DNAI3: variants seen among roughly 807,000 people sequenced by gnomAD.
DNAI3 encodes WD repeat domain 63.
In DNAI3, 83 loss-of-function variants were observed where a neutral mutation model predicts 115.5. The ratio of observed to expected loss-of-function variants is 0.72; its 90% confidence interval spans 0.60 to 0.86. DNAI3 has a LOEUF of 0.86. Among genes scored for constraint, DNAI3 ranks in the 40% least tolerant of loss-of-function variants. The pLI, the probability that DNAI3 is intolerant of heterozygous loss-of-function variation, is 0.00. For missense variants in DNAI3, 1,004 were observed against 1,075.8 expected (o/e 0.93, Z 0.93); for synonymous variants, 320 against 347.0 (o/e 0.92, Z 0.86).
chr1:85,094,301 T>C, intron 9 of DNAI3, 130 bp from the exon 10 acceptor site: 1 of 1,262,562 alleles, frequency 7.9e-7, no homozygotes, highest in Non-Finnish European at 1.1e-6. Flanking sequence ...CCAGCAGAGC[T>C]CTAAGAAAAC....
intron 1 of DNAI3, among the ~76,000 whole-genome samples, chr1:85,066,680 ATGT>A (rs1174531303): frequency 6.6e-6 from 1 of 152,162 alleles, no homozygotes; most frequent in African/African-American, 2.4e-5. Flanking sequence ...AACAGAAAAA[ATGT>A]TATGCATATT....
At position 85,115,240 on chromosome 1, in the gene DNAI3, T is replaced by C. The variant is rs538032710; in HGVS notation, c.1787-2489T>C. ...AAGAGAACTACCTCATAGGGTGTTG[T>C]GAAGATGAAATGAGTTATACACGAA... On this transcript the variant is annotated intron_variant, in intron 16 of 22. Transcript: ENST00000294664. Among the ~76,000 whole-genome samples the C allele has an allele frequency of 5.3e-5, 8 of 152,330 alleles. No homozygotes were observed. In the East Asian group the frequency reaches 1.5e-3, roughly 29 times the overall value.
chr1:85,126,466 A>G (rs1258291263), intron 19 of DNAI3, 45 bp from the exon 20 acceptor site: 2 of 1,562,156 alleles, frequency 1.3e-6, no homozygotes, highest in East Asian at 2.3e-5. Flanking sequence ...CCCTCAGATA[A>G]TAACAAAATC....
intron 19 of DNAI3, among the ~76,000 whole-genome samples, chr1:85,124,791 C>T (rs12026233): frequency 0.63 from 96,295 of 152,034 alleles, 31,744 homozygotes; most frequent in South Asian, 0.83. Flanking sequence ...GCCTCGGCCT[C>T]CCGAAGTGCT....
intron 20 of DNAI3, among the ~76,000 whole-genome samples, chr1:85,127,365 C>T (rs997253124): frequency 6.6e-5 from 10 of 152,064 alleles, no homozygotes; most frequent in African/African-American, 1.2e-4. Context: ...TTTTCTGTTT[C>T]GCCCAAGTAG....
At chr1:85,073,873 T>C (rs1654366625) in intron 3 of DNAI3, among the ~76,000 whole-genome samples, 1 of 152,016 alleles carries the variant, frequency 6.6e-6, no homozygotes, top group African/African-American at 2.4e-5. Context: ...AGGGGAAAGA[T>C]GGTGATGACC....
intron 11 of DNAI3, among the ~76,000 whole-genome samples, chr1:85,096,595 A>G (rs1332547476): frequency 6.6e-6 from 1 of 151,112 alleles, no homozygotes; most frequent in Non-Finnish European, 1.5e-5. Context: ...TATCAAATTT[A>G]GATCCTATCC....
chr1:85,098,810 A>T (rs889404535), intron 13 of DNAI3, 152 bp downstream of exon 13: 17 of 1,137,814 alleles, frequency 1.5e-5, no homozygotes, highest in Middle Eastern at 3.0e-4. Context: ...CTGTTGCCAG[A>T]CCAGTATCTG....
In DNAI3 at chr1:85,084,847, T is replaced by G. The variant is rs922397217; in HGVS notation, c.540+152T>G. ...TGCTTTTATAGAAGAATGGTCATTG[T>G]CTTAAGTGGGTGTTATGAGTTGAAT... On this transcript the variant is annotated intron_variant, in intron 6 of 22. Transcript: ENST00000294664. 5.2e-5 allele frequency: 39 copies of G among 751,572 alleles called. No individual in the cohort carries two copies. The African/African-American group carries it at 6.6e-4, about 13-fold the overall frequency. The allele number at this position is 751,572 out of a possible 1,614,324, so 46.6% of individuals were successfully genotyped here.
At chr1:85,103,490 A>G (rs776469147) in intron 13 of DNAI3, among the ~76,000 whole-genome samples, 4 of 152,188 alleles carry the variant, frequency 2.6e-5, no homozygotes, top group African/African-American at 4.8e-5. Flanking sequence ...AAAAGCCTCT[A>G]TGTTCGACTG....
intron 20 of DNAI3, 48 bp downstream of exon 20, chr1:85,126,763 G>T: frequency 6.2e-7 from 1 of 1,601,864 alleles, no homozygotes; most frequent in Non-Finnish European, 8.5e-7. Context: ...GGTAACTCGG[G>T]AACATCTTGA....
chr1:85,122,987 A>T (rs1019112072), intron 18 of DNAI3, among the ~76,000 whole-genome samples: 5 of 152,180 alleles, frequency 3.3e-5, no homozygotes, highest in Non-Finnish European at 7.4e-5. Flanking sequence ...GCAGAGGCTA[A>T]AGTGAACTCT....
At chr1:85,066,314 C>CATTTTTTTTTTTTTTTTTTTTTT (rs1553164760) in intron 1 of DNAI3, among the ~76,000 whole-genome samples, 5 of 70,014 alleles carry the variant, frequency 7.1e-5, no homozygotes, top group Non-Finnish European at 7.6e-5. Flanking sequence ...TTCTGCTACT[C>CATTTTTTTTTTTTTTTTTTTTTT]TTTTTTTTTT....
rs1199763244 is a variant in DNAI3 at position 85,093,601 on chromosome 1, C to G, written c.1001C>G (p.Pro334Arg). 1 of 1,614,034 alleles carries G rather than the reference C, an allele frequency of 6.2e-7. No individual in the cohort carries two copies. The highest frequency in any genetic ancestry group is 8.5e-7 in the Non-Finnish European group (1 of 1,180,036). ...CAGTCCTTTACCGACCTTCATAGCC[C>G]AACGGAGAAAATGATTACCTGTGTC... ...EYQSFTDLHSPTEKMITCVSW... is the reference protein window; with the variant it reads ...EYQSFTDLHSRTEKMITCVSW... The change falls in exon 9 of 23, where the codon CCA becomes CGA. Residue 334 changes from proline to arginine, a missense_variant. Transcript: ENST00000294664.
At chr1:85,084,432 A>G (rs1438158458) in intron 5 of DNAI3, 114 bp from the exon 6 acceptor site, 6 of 769,758 alleles carry the variant, frequency 7.8e-6, no homozygotes, top group Non-Finnish European at 1.0e-5. Flanking sequence ...AAAAGTAAAA[A>G]GGTGCTTAAT....
chr1:85,073,862 C>T (rs1654366447), intron 3 of DNAI3, among the ~76,000 whole-genome samples: 1 of 152,022 alleles, frequency 6.6e-6, no homozygotes, highest in Non-Finnish European at 1.5e-5. Flanking sequence ...TCCAACAATC[C>T]AGGGGAAAGA....
rs17121837 is a variant in DNAI3 at position 85,130,031 on chromosome 1, T to C, written c.2451T>C (p.His817=). 3.1e-3 allele frequency: 4,958 copies of C among 1,613,170 alleles called. 122 individuals carry two copies. In the African/African-American group the frequency reaches 0.058, roughly 19 times the overall value. ...ACTATTTTGAAAGAGAAGTCAAGCATCTGGAATACGTAGAACAGCGCAAAA... is the reference window on the plus strand; with the variant it reads ...ACTATTTTGAAAGAGAAGTCAAGCACCTGGAATACGTAGAACAGCGCAAAA... ...VNHYFEREVK[H]LEYVEQRKKI... The change falls in exon 22 of 23, where the codon CAT becomes CAC. Residue 817 remains histidine (H), a synonymous_variant. Transcript: ENST00000294664.
chr1:85,080,732 A>G (rs1654612009), intron 3 of DNAI3, among the ~76,000 whole-genome samples: 1 of 152,246 alleles, frequency 6.6e-6, no homozygotes, highest in African/African-American at 2.4e-5. Flanking sequence ...TTTGAAATGC[A>G]ATAAAAATTT....
chr1:85,098,796 GT>G, intron 13 of DNAI3, 138 bp downstream of exon 13: 1 of 1,278,178 alleles, frequency 7.8e-7, no homozygotes, highest in Non-Finnish European at 1.1e-6. Flanking sequence ...AAAAAATGGG[GT>G]TACTGTTGCC....
Sources: allele counts gnomAD v4.1 joint callset (sites outside exome capture counted in the v4.1 genomes callset), GRCh38; gene constraint gnomAD v4.1.1; transcripts MANE v1.5; gene names NCBI Gene and HGNC (gene_info 2026-07-23, HGNC 2026-07-21).